GALNT13: variants seen among roughly 807,000 people sequenced by gnomAD.
GALNT13 encodes the protein polypeptide N-acetylgalactosaminyltransferase 13.
In GALNT13, 28 loss-of-function variants were observed where a neutral mutation model predicts 64.2. The ratio of observed to expected loss-of-function variants is 0.44; its 90% CI spans 0.32 to 0.60. The LOEUF (loss-of-function observed/expected upper bound fraction) is 0.60. Among genes scored for constraint, GALNT13 ranks in the 20% least tolerant of loss-of-function variants. GALNT13 has a pLI of 0.05. For synonymous variants in GALNT13, 214 were observed against 224.6 expected, an observed-to-expected ratio of 0.95 and a Z score of 0.42; for missense variants, 577 against 669.8, an observed-to-expected ratio of 0.86 and a Z score of 1.53.
At chr2:153,222,365 G>A in the GALNT13 span, among the ~76,000 whole-genome samples, 1 of 91,092 alleles carries the variant, frequency 1.1e-5, no homozygotes, top group Non-Finnish European at 2.3e-5. Context: ...GGCTTAGAAG[G>A]GAGGAAGTAC....
At chr2:153,299,508 A>G in the GALNT13 span, among the ~76,000 whole-genome samples, 1 of 152,266 alleles carries the variant, frequency 6.6e-6, no homozygotes, top group Non-Finnish European at 1.5e-5. Flanking sequence ...GAGAATCTTC[A>G]CAGCCAAGGC....
At chr2:153,931,346 C>T (rs963296994) in intron 2 of GALNT13, among the ~76,000 whole-genome samples, 7 of 151,484 alleles carry the variant, frequency 4.6e-5, no homozygotes, top group South Asian at 2.1e-4. Context: ...TTCTCTCTCT[C>T]GCTTGATTAC....
chr2:153,352,681 C>A, the GALNT13 span, among the ~76,000 whole-genome samples: 1 of 152,000 alleles, frequency 6.6e-6, no homozygotes, highest in East Asian at 1.9e-4. Context: ...TGTAAATGTT[C>A]CGTTGTTCCA....
chr2:153,128,254 T>C, the GALNT13 span, among the ~76,000 whole-genome samples: 3 of 152,168 alleles, frequency 2.0e-5, no homozygotes, highest in Admixed American at 1.3e-4. Flanking sequence ...AGAGGTTTAA[T>C]GGACTTACAG....
the GALNT13 span, among the ~76,000 whole-genome samples, chr2:153,175,310 T>A: frequency 6.6e-6 from 1 of 152,166 alleles, no homozygotes; most frequent in Non-Finnish European, 1.5e-5. Flanking sequence ...TCTGTCTGTT[T>A]GTATGTGTGT....
At chr2:153,132,915 A>G in the GALNT13 span, among the ~76,000 whole-genome samples, 1 of 151,522 alleles carries the variant, frequency 6.6e-6, no homozygotes. Context: ...TAGAGACAGG[A>G]TTTCGCCATG....
chr2:153,424,130 GGC>G, the GALNT13 span, among the ~76,000 whole-genome samples: 1 of 149,902 alleles, frequency 6.7e-6, no homozygotes, highest in Admixed American at 6.6e-5. Context: ...ACATATACAT[GGC>G]TTGATCTGTT....
chr2:153,070,296 G>T, the GALNT13 span, among the ~76,000 whole-genome samples: 2 of 152,164 alleles, frequency 1.3e-5, no homozygotes, highest in African/African-American at 4.8e-5. Context: ...TTGATTGGTG[G>T]TTGCCAGGTG....
chr2:153,223,064 G>A, the GALNT13 span, among the ~76,000 whole-genome samples: 1 of 152,264 alleles, frequency 6.6e-6, no homozygotes, highest in Non-Finnish European at 1.5e-5. Flanking sequence ...GGCCTCTCCA[G>A]ATGGGCCGCC....
the GALNT13 span, among the ~76,000 whole-genome samples, chr2:153,259,454 G>A: frequency 6.6e-6 from 1 of 151,806 alleles, no homozygotes; most frequent in Non-Finnish European, 1.5e-5. Context: ...GTAAAGACTT[G>A]TACTTGCTGA....
chr2:154,070,944 A>G (rs1162474747), intron 3 of GALNT13, among the ~76,000 whole-genome samples: 2 of 151,892 alleles, frequency 1.3e-5, no homozygotes, highest in Non-Finnish European at 2.9e-5. Context: ...AAAAGGAAAA[A>G]GAAAAGTTGG....
chr2:154,315,425 G>A (rs1694267610), intron 9 of GALNT13, among the ~76,000 whole-genome samples: 1 of 152,094 alleles, frequency 6.6e-6, no homozygotes, highest in Non-Finnish European at 1.5e-5. Context: ...AAAACAGAAG[G>A]GGAAACAATT....
chr2:154,292,545 A>G (rs888703317), intron 8 of GALNT13, among the ~76,000 whole-genome samples: 4 of 152,134 alleles, frequency 2.6e-5, no homozygotes, highest in Admixed American at 6.5e-5. Context: ...TTCTAGTTTC[A>G]TTTTATTATC....
At chr2:153,404,720 A>G in the GALNT13 span, among the ~76,000 whole-genome samples, 1 of 152,176 alleles carries the variant, frequency 6.6e-6, no homozygotes, top group East Asian at 1.9e-4. Flanking sequence ...GGTATTAATC[A>G]CTAGGAAAAA....
chr2:153,207,334 A>G, the GALNT13 span, among the ~76,000 whole-genome samples: 10 of 152,180 alleles, frequency 6.6e-5, no homozygotes, highest in African/African-American at 1.9e-4. Context: ...GTGCATGTGT[A>G]TGTGTATTTA....
the GALNT13 span, among the ~76,000 whole-genome samples, chr2:153,328,706 G>A: frequency 3.0e-3 from 462 of 152,260 alleles, 1 homozygote; most frequent in African/African-American, 9.9e-3. Flanking sequence ...TGCTGGCAGC[G>A]AGAATGGCAA....
chr2:154,310,307 A>C (rs1215859952), intron 9 of GALNT13, among the ~76,000 whole-genome samples: 1 of 152,200 alleles, frequency 6.6e-6, no homozygotes, highest in Non-Finnish European at 1.5e-5. Flanking sequence ...TACTGAGCTC[A>C]AATCTATTAT....
chr2:154,092,601 A>T (rs1423466711), intron 3 of GALNT13, among the ~76,000 whole-genome samples: 1 of 152,080 alleles, frequency 6.6e-6, no homozygotes, highest in Non-Finnish European at 1.5e-5. Context: ...TAAAAATGTG[A>T]AATTATTCTT....
the GALNT13 span, among the ~76,000 whole-genome samples, chr2:153,386,440 A>G: frequency 6.6e-6 from 1 of 152,082 alleles, no homozygotes; most frequent in African/African-American, 2.4e-5. Context: ...AAGACAACAC[A>G]ACAGAGAAAA....
Sources: allele counts gnomAD v4.1 joint callset (sites outside exome capture counted in the v4.1 genomes callset), GRCh38; gene constraint gnomAD v4.1.1; transcripts MANE v1.5; gene names NCBI Gene and HGNC (gene_info 2026-07-23, HGNC 2026-07-21).